PUS7L: variants seen among roughly 807,000 people sequenced by gnomAD.
The protein encoded by PUS7L is pseudouridine synthase 7 like, also known as pseudouridylate synthase PUS7L.
In PUS7L, 49 loss-of-function variants were observed where a neutral mutation model predicts 51.1. The ratio of observed to expected loss-of-function variants is 0.96; its 90% CI spans 0.76 to 1.22. The LOEUF (loss-of-function observed/expected upper bound fraction) is 1.22, where lower values mean the gene tolerates loss of function less well. Among genes scored for constraint, PUS7L ranks in the 50% most tolerant of loss-of-function variants. The pLI is 0.00. For missense variants in PUS7L, 828 were observed against 820.6 expected (o/e 1.01, Z -0.11); for synonymous variants, 277 against 276.2 (o/e 1.00, Z -0.03).
Position 43,746,108 on chromosome 12 carries a change from T to C in PUS7L, c.1201A>G (p.Lys401Glu). 1 of 1,533,106 alleles carries C rather than the reference T, an allele frequency of 6.5e-7. No individual in the cohort carries two copies. The highest frequency in any genetic ancestry group is 9.0e-7 in the Non-Finnish European group (1 of 1,110,606). The allele number at this position is 1,533,106 out of a possible 1,614,324, so 95.0% of individuals were successfully genotyped here. A position where few individuals can be genotyped will look rare whatever the true frequency, so the allele number is the denominator to read the frequency against. Residue 401 changes from lysine (K) to glutamate (E), a missense_variant, in exon 4 of 9, where the codon AAA becomes GAA. Lys to Glu is a moderately conservative substitution (Grantham distance 56, BLOSUM62 1). Coordinates refer to ENST00000344862, the MANE Select transcript of PUS7L (RefSeq NM_031292.5). ...AGGTTTGCAGAATCATTTATTTGTT[T>C]TTTTAAATTTCTAATGACAATATCA... ...HFDIVIRNLK[K>E]QINDSANLRE...
intron 1 of PUS7L, among the ~76,000 whole-genome samples, chr12:43,757,085 T>C (rs1051507908): frequency 6.6e-6 from 1 of 152,168 alleles, no homozygotes; most frequent in Non-Finnish European, 1.5e-5. Flanking sequence ...TTTAAATTGT[T>C]CCCTCCCCAA....
chr12:43,741,684 C>T (rs1428473972), intron 5 of PUS7L, among the ~76,000 whole-genome samples: 1 of 152,002 alleles, frequency 6.6e-6, no homozygotes, highest in African/African-American at 2.4e-5. Context: ...AATGTGAAAC[C>T]CAGAACTAAT....
chr12:43,739,760 A>G (rs1190347990), intron 5 of PUS7L: 1 of 152,214 alleles, frequency 6.6e-6, no homozygotes. Context: ...AATATAAAAG[A>G]TGGTTCTCCC....
At chr12:43,757,311 C>T (rs1938795382) in intron 1 of PUS7L, among the ~76,000 whole-genome samples, 1 of 152,134 alleles carries the variant, frequency 6.6e-6, no homozygotes, top group African/African-American at 2.4e-5. Flanking sequence ...GCTGGGACCA[C>T]AGGGGCGCGC....
rs750873263 is a variant in PUS7L, at chr12:43,736,470, TGTAA to T, written c.1632_1635del (p.Tyr545AspfsTer9). ...ACTCTTGCTCCATAGGTTTCAAGTCTGTAAGATACTGCCTCATTCCAAATTTTGC... is the reference window on the plus strand; with the variant it reads ...ACTCTTGCTCCATAGGTTTCAAGTCTGATACTGCCTCATTCCAAATTTTGC... On this transcript the variant is annotated frameshift_variant, in exon 7 of 9. Transcript: ENST00000344862. LOFTEE classifies it high-confidence loss of function. The T allele has an allele frequency of 1.2e-6, 2 of 1,614,228 alleles. No homozygotes were observed. Among genetic ancestry groups the T allele is most frequent in the Admixed American group, 3.3e-5 (2 of 60,010 alleles).
chr12:43,731,520 T>A (rs73278496), intron 8 of PUS7L, among the ~76,000 whole-genome samples, 185 bp downstream of exon 8: 1 of 152,084 alleles, frequency 6.6e-6, no homozygotes, highest in Non-Finnish European at 1.5e-5. Context: ...AGTCCTACAT[T>A]TATCAAAAAT....
intron 4 of PUS7L, among the ~76,000 whole-genome samples, chr12:43,743,788 A>G (rs1248383061): frequency 1.3e-5 from 2 of 152,198 alleles, no homozygotes; most frequent in African/African-American, 2.4e-5. Flanking sequence ...AATTACAGAT[A>G]GAATAAGTAC....
In PUS7L at chr12:43,731,665, C is replaced by T. The variant is rs770391544; in HGVS notation, c.1779+40G>A. The T allele has an allele frequency of 1.4e-5, 17 of 1,197,700 alleles. 1 individual carries two copies. The highest frequency in any genetic ancestry group is 2.0e-5 in the Non-Finnish European group (17 of 830,712). 74.2% of individuals were successfully genotyped at this position (1,197,700 alleles called of 1,614,324 possible). ...TTTTGCTTTTTGGGGACAATGTCTA[C>T]ACTTAGATCTAAGTGATAGTAATTT... is the stretch of plus-strand genomic sequence containing the variant. On this transcript the variant is annotated intron_variant, in intron 8 of 8. Coordinates refer to ENST00000344862, the MANE Select transcript of PUS7L (RefSeq NM_031292.5).
chr12:43,757,974 T>C (rs956989440), intron 1 of PUS7L, among the ~76,000 whole-genome samples: 1 of 152,166 alleles, frequency 6.6e-6, no homozygotes, highest in Non-Finnish European at 1.5e-5. Context: ...TTAGAATCTA[T>C]TGGGTGGTCA....
Position 43,736,366 on chromosome 12 carries a change from T to A in PUS7L, c.1725+15A>T. The A allele has an allele frequency of 1.2e-6, 2 of 1,608,184 alleles. No individual in the cohort carries two copies. Among genetic ancestry groups the A allele is most frequent in the Non-Finnish European group, 1.7e-6 (2 of 1,175,774 alleles). Reference sequence around the variant, plus strand: ...AGTAACTACTCTTGGAAAACTCTGATGGAATGATACTTACTTTACTATTTG... The same window carrying A: ...AGTAACTACTCTTGGAAAACTCTGAAGGAATGATACTTACTTTACTATTTG... On this transcript the variant is annotated intron_variant, in intron 7 of 8. Coordinates refer to ENST00000344862, the MANE Select transcript of PUS7L (RefSeq NM_031292.5).
At chr12:43,734,630 G>A (rs910475008) in intron 7 of PUS7L, among the ~76,000 whole-genome samples, 1 of 152,128 alleles carries the variant, frequency 6.6e-6, no homozygotes, top group Non-Finnish European at 1.5e-5. Context: ...CCATGTTCTA[G>A]TTCTCACTAC....
At chr12:43,737,883 C>T (rs887138545) in intron 6 of PUS7L, 2 of 173,094 alleles carry the variant, frequency 1.2e-5, no homozygotes, top group Admixed American at 5.6e-5. Flanking sequence ...ACTGACCTAA[C>T]GTTTTAAAAA....
chr12:43,725,415 T>A lies in PUS7L; in HGVS notation c.*4961A>T, dbSNP rs988611232. The stretch of plus-strand genomic sequence containing the variant: ...GTTGGTAGAAATGGAAGTTATATTT[T>A]AATTTTTAGTTTAGTTTTTTTTTTT... On this transcript the variant is annotated 3_prime_UTR_variant, in exon 9 of 9. Transcript: ENST00000344862. The A allele has an allele frequency of 2.7e-5, 4 of 149,212 alleles. No homozygotes were observed. The highest frequency in any genetic ancestry group is 1.0e-4 in the African/African-American group (4 of 39,326). 9.2% of individuals were successfully genotyped at this position (149,212 alleles called of 1,614,324 possible).
chr12:43,742,652 G>A, intron 4 of PUS7L, 97 bp from the exon 5 acceptor site: 9 of 1,426,606 alleles, frequency 6.3e-6, no homozygotes, highest in Non-Finnish European at 8.2e-6. Context: ...TATTTTAACA[G>A]AATAACTCTG....
chr12:43,735,569 C>A (rs1294616089), intron 7 of PUS7L, among the ~76,000 whole-genome samples: 1 of 150,522 alleles, frequency 6.6e-6, no homozygotes, highest in Non-Finnish European at 1.5e-5. Flanking sequence ...CTTCTCCTCT[C>A]CATATTTTAA....
chr12:43,736,593 A>G lies in PUS7L; in HGVS notation c.1513T>C (p.Leu505=). 1 of 1,614,122 alleles carries G rather than the reference A, an allele frequency of 6.2e-7. No individual in the cohort carries two copies. Among genetic ancestry groups the G allele is most frequent in the Non-Finnish European group, 8.5e-7 (1 of 1,180,036 alleles). Residue 505 remains leucine, a synonymous_variant, in exon 7 of 9, where the codon TTG becomes CTG. Coordinates refer to ENST00000344862, the MANE Select transcript of PUS7L (RefSeq NM_031292.5). ...TCCTCGGTCATGCCAAAGCGGTGCA[A>G]TGCCTCCAACAATGCTCTCTCACGC... ...KVRERALLEA[L]HRFGMTEEGC...
chr12:43,749,048 T>A (rs1236997917), intron 2 of PUS7L, among the ~76,000 whole-genome samples: 1 of 152,202 alleles, frequency 6.6e-6, no homozygotes, highest in Non-Finnish European at 1.5e-5. Context: ...AATGAAAATA[T>A]AAAATCAGCA....
At chr12:43,738,508 T>C in intron 5 of PUS7L, 117 bp from the exon 6 acceptor site, 1 of 619,994 alleles carries the variant, frequency 1.6e-6, no homozygotes, top group Non-Finnish European at 2.8e-6. Context: ...TTATACTTGA[T>C]GCTGCAATTT....
At chr12:43,743,545 C>T (rs1320884675) in intron 4 of PUS7L, among the ~76,000 whole-genome samples, 3 of 152,172 alleles carry the variant, frequency 2.0e-5, no homozygotes, top group South Asian at 2.1e-4. Context: ...CGGCGGATCA[C>T]GAGCTCAGGA....
Sources: gnomAD v4.1 joint callset for allele counts (sites outside exome capture counted in the v4.1 genomes callset) on GRCh38, gnomAD v4.1.1 for gene constraint, MANE v1.5 for transcripts, NCBI Gene and HGNC (gene_info 2026-07-23, HGNC 2026-07-21) for gene names.